The following CDH8 variants were observed in gnomAD, a reference collection of about 807,000 sequenced individuals.
The protein encoded by CDH8 is cadherin 8.
In CDH8, 17 loss-of-function variants were observed where a neutral mutation model predicts 68.1. The observed-to-expected ratio is 0.25, with a 90% CI of 0.17 to 0.37. The LOEUF (loss-of-function observed/expected upper bound fraction) is 0.37. Ranked by LOEUF, CDH8 falls within the 10% of genes least tolerant of loss-of-function variation. The pLI is 1.00. For missense variants in CDH8, 763 were observed against 999.3 expected, an observed-to-expected ratio of 0.76 and a Z score of 3.19; for synonymous variants, 372 against 365.1, an observed-to-expected ratio of 1.02 and a Z score of -0.21.
rs528951580 is a variant in CDH8 at position 61,660,052 on chromosome 16, C to T, written c.1655-4331G>A. Among the ~76,000 whole-genome samples, 72 of 152,264 alleles carry T rather than the reference C, an allele frequency of 4.7e-4. 1 individual carries two copies. The South Asian group carries it at 0.014, about 30-fold the overall frequency. ...ATTGTAATTCTAAAGTGACTGTGGA[C>T]ATACCCATGCTTGAGATTCCCTGAA... On this transcript the variant is annotated intron_variant, in intron 10 of 11. Coordinates refer to ENST00000577390, the MANE Select transcript of CDH8 (RefSeq NM_001796.5).
At chr16:61,825,647 A>C (rs1048146808) in intron 4 of CDH8, among the ~76,000 whole-genome samples, 2 of 151,902 alleles carry the variant, frequency 1.3e-5, no homozygotes, top group Non-Finnish European at 2.9e-5. Flanking sequence ...GAGAGATGAA[A>C]TAAATAAATG....
chr16:61,922,296 A>C (rs186132620), intron 2 of CDH8, among the ~76,000 whole-genome samples: 3 of 152,296 alleles, frequency 2.0e-5, no homozygotes, highest in Non-Finnish European at 2.9e-5. Context: ...TTTCCATGCA[A>C]ATTTTGTGTA....
chr16:61,779,095 A>AT lies in CDH8; in HGVS notation c.1414+10250_1414+10251insA, dbSNP rs573633765. Among the ~76,000 whole-genome samples the AT allele has an allele frequency of 9.8e-5, 15 of 152,292 alleles. No homozygotes were observed. The South Asian group carries it at 3.1e-3, about 32-fold the overall frequency. ...AATTATATGCTTCCTGCTTTGAAATACTTTCAGGTAACCAATAGTCATGTA... is the reference window on the plus strand; with the variant it reads ...AATTATATGCTTCCTGCTTTGAAATATCTTTCAGGTAACCAATAGTCATGTA... On this transcript the variant is annotated intron_variant, in intron 8 of 11. Coordinates refer to ENST00000577390, the MANE Select transcript of CDH8 (RefSeq NM_001796.5).
rs1965116551 is a variant in CDH8 at position 61,960,296 on chromosome 16, T to TGTGTGTGTATACACACATATATAC, written c.253-58847_253-58824dup. ...GTGTGTGTATACACACATATATACG[T>TGTGTGTGTATACACACATATATAC]GTGTGTGTATACACACATATATACG... On this transcript the variant is annotated intron_variant, in intron 2 of 11. Coordinates refer to ENST00000577390, the MANE Select transcript of CDH8 (RefSeq NM_001796.5). Among the ~76,000 whole-genome samples, 10 of 100,728 alleles carry TGTGTGTGTATACACACATATATAC rather than the reference T, an allele frequency of 9.9e-5. 3 individuals carry two copies. Among genetic ancestry groups the TGTGTGTGTATACACACATATATAC allele is most frequent in the Non-Finnish European group, 1.8e-4 (10 of 55,318 alleles). 66.1% of individuals were successfully genotyped at this position (100,728 alleles called of 152,430 possible).
intron 2 of CDH8, among the ~76,000 whole-genome samples, chr16:61,966,424 G>A (rs1965253395): frequency 6.6e-6 from 1 of 152,050 alleles, no homozygotes. Flanking sequence ...TGTAGTCCCA[G>A]CTACTTGGGA....
intron 2 of CDH8, among the ~76,000 whole-genome samples, chr16:61,951,097 C>T (rs1455484875): frequency 6.6e-6 from 1 of 151,942 alleles, no homozygotes; most frequent in African/African-American, 2.4e-5. Flanking sequence ...TAGTAATCAT[C>T]ATCATCATCA....
intron 6 of CDH8, among the ~76,000 whole-genome samples, chr16:61,819,205 G>A (rs1048201352): frequency 8.6e-5 from 13 of 151,774 alleles, no homozygotes; most frequent in Non-Finnish European, 1.8e-4. Flanking sequence ...AATTTTATTG[G>A]ACAAAAAAGA....
chr16:62,031,520 C>G (rs971862483), intron 1 of CDH8, among the ~76,000 whole-genome samples: 6 of 152,086 alleles, frequency 3.9e-5, no homozygotes, highest in African/African-American at 1.4e-4. Flanking sequence ...ATCGTTCTAG[C>G]ATTTGCAATT....
intron 10 of CDH8, among the ~76,000 whole-genome samples, chr16:61,657,456 A>G (rs575441125): frequency 6.6e-6 from 1 of 152,256 alleles, no homozygotes; most frequent in Admixed American, 6.5e-5. Flanking sequence ...TAATTTGAAT[A>G]TACTGAGAAA....
chr16:61,995,865 C>T (rs151161171), intron 2 of CDH8, among the ~76,000 whole-genome samples: 51 of 152,294 alleles, frequency 3.3e-4, no homozygotes, highest in African/African-American at 1.2e-3. Flanking sequence ...GCTTACATCT[C>T]ACCTGCCCAA....
intron 2 of CDH8, among the ~76,000 whole-genome samples, chr16:61,992,077 T>TGTGTGTGTGTGTGTGTGTGAGA (rs34925928): frequency 6.9e-5 from 10 of 144,244 alleles, no homozygotes; most frequent in African/African-American, 2.6e-4. Context: ...TGTGTGTGTG[T>TGTGTGTGTGTGTGTGTGTGAGA]GAGAGAGAGA....
chr16:61,877,458 C>G (rs533542915), intron 3 of CDH8, among the ~76,000 whole-genome samples: 1 of 152,172 alleles, frequency 6.6e-6, no homozygotes, highest in South Asian at 2.1e-4. Context: ...CCTATGAAGA[C>G]TTTAGAATTT....
At position 61,815,301 on chromosome 16, in the gene CDH8, CAAT is replaced by C. The variant is rs1471249192; in HGVS notation, c.1277+2175_1277+2177del. On this transcript the variant is annotated intron_variant, in intron 7 of 11. Coordinates refer to ENST00000577390, the MANE Select transcript of CDH8 (RefSeq NM_001796.5). ...GTAACAGTAATAAAAGTAGCAATAGCAATAATAATAACTAGCAACTACAATGAG... is the reference window on the plus strand; with the variant it reads ...GTAACAGTAATAAAAGTAGCAATAGCAATAATAACTAGCAACTACAATGAG... Among the ~76,000 whole-genome samples, 9 of 152,240 alleles carry C rather than the reference CAAT, an allele frequency of 5.9e-5. No homozygotes were observed. The East Asian group carries it at 1.4e-3, about 23-fold the overall frequency.
chr16:62,021,427 C>T lies in CDH8; in HGVS notation c.-24G>A, dbSNP rs1332554981. 1.3e-6 allele frequency: 2 copies of T among 1,577,894 alleles called. No individual in the cohort carries two copies. The highest frequency in any genetic ancestry group is 8.6e-7 in the Non-Finnish European group (1 of 1,161,536). On this transcript the variant is annotated 5_prime_UTR_variant, in exon 2 of 12. The change creates a new upstream start codon in the 5' untranslated region. Coordinates refer to ENST00000577390, the MANE Select transcript of CDH8 (RefSeq NM_001796.5). The stretch of plus-strand genomic sequence containing the variant: ...ATGGTCCCACCAGTTAAGCAAATCA[C>T]CACGAAAATGAGACAATTATTTTTT...
chr16:61,679,705 C>A (rs758402116), intron 10 of CDH8, among the ~76,000 whole-genome samples: 7 of 151,892 alleles, frequency 4.6e-5, no homozygotes, highest in Admixed American at 1.3e-4. Flanking sequence ...TGTACTAATG[C>A]GGGGATCAAA....
chr16:61,969,657 T>C (rs144499322), intron 2 of CDH8, among the ~76,000 whole-genome samples: 3 of 152,370 alleles, frequency 2.0e-5, no homozygotes, highest in East Asian at 3.9e-4. Context: ...ATAGATTCAC[T>C]GTGTACTGGA....
intron 1 of CDH8, among the ~76,000 whole-genome samples, chr16:62,030,890 A>G (rs1902309383): frequency 6.6e-6 from 1 of 152,170 alleles, no homozygotes; most frequent in South Asian, 2.1e-4. Flanking sequence ...ACAGAAGAGT[A>G]TGGAATTGTC....
intron 2 of CDH8, among the ~76,000 whole-genome samples, chr16:61,996,440 C>T (rs562595231): frequency 2.0e-5 from 3 of 152,274 alleles, no homozygotes; most frequent in East Asian, 1.9e-4. Flanking sequence ...CTTAAAAGAG[C>T]ATTAATGTAC....
intron 8 of CDH8, among the ~76,000 whole-genome samples, chr16:61,768,398 T>TCTC (rs1960684849): frequency 0.016 from 551 of 35,184 alleles, 4 homozygotes; most frequent in African/African-American, 0.035. Context: ...CTCTCTCCCT[T>TCTC]TCTCTCTCTC....
Sources: gnomAD v4.1 joint callset for allele counts (sites outside exome capture counted in the v4.1 genomes callset) on GRCh38, gnomAD v4.1.1 for gene constraint, MANE v1.5 for transcripts, NCBI Gene and HGNC (gene_info 2026-07-23, HGNC 2026-07-21) for gene names.